DYNC2I1: variants seen among roughly 807,000 people sequenced by gnomAD.
The protein encoded by DYNC2I1 is cytoplasmic dynein 2 intermediate chain 1.
DYNC2I1 carries 89 observed loss-of-function variants against 133.4 expected under a neutral mutation model. The observed-to-expected ratio is 0.67, with a 90% CI of 0.56 to 0.80. The LOEUF is 0.80. DYNC2I1 is among the 30% of genes least tolerant of loss of function. The pLI is 0.00. For synonymous variants in DYNC2I1, 504 were observed against 484.3 expected (o/e 1.04, Z -0.54); for missense variants, 1,291 against 1,314.5 (o/e 0.98, Z 0.28).
At chr7:158,914,647 AT>A (rs1847826776) in intron 14 of DYNC2I1, among the ~76,000 whole-genome samples, 1 of 152,226 alleles carries the variant, frequency 6.6e-6, no homozygotes, top group Admixed American at 6.5e-5. Context: ...AATCTAGGGT[AT>A]TTGAAAATAT....
intron 3 of DYNC2I1, among the ~76,000 whole-genome samples, chr7:158,872,144 C>A (rs1842943987): frequency 6.6e-6 from 1 of 151,020 alleles, no homozygotes; most frequent in South Asian, 2.1e-4. Flanking sequence ...AGGGAGACTC[C>A]ATCACTACAA....
chr7:158,926,445 T>G lies in DYNC2I1; in HGVS notation c.2415T>G (p.Ser805Arg), dbSNP rs762299996. 4 of 1,613,280 alleles carry G rather than the reference T, an allele frequency of 2.5e-6. No homozygotes were observed. The highest frequency in any genetic ancestry group is 3.4e-6 in the Non-Finnish European group (4 of 1,179,604). The change falls in exon 19 of 25, where the codon AGT becomes AGG. Residue 805 changes from serine (S) to arginine (R), a missense_variant. By Grantham distance (110) the Ser-to-Arg change is moderately radical (BLOSUM62 -1). Coordinates refer to ENST00000407559, the MANE Select transcript of DYNC2I1 (RefSeq NM_018051.5). ...TCCACATCGCTTCCTTGGATGAGAG[T>G]GGGGTTCTCAATGTATGGGTGAGTA... ...LSFHIASLDESGVLNVWVVVE... is the reference protein window; with the variant it reads ...LSFHIASLDERGVLNVWVVVE...
chr7:158,945,375 G>A lies in DYNC2I1; in HGVS notation c.3003-206G>A, dbSNP rs1184014242. On this transcript the variant is annotated intron_variant, in intron 24 of 24. Coordinates refer to ENST00000407559, the MANE Select transcript of DYNC2I1 (RefSeq NM_018051.5). The surrounding 1 kb of genome is among the most constrained non-coding windows in gnomAD (Gnocchi z 4.1). ...GCACGTCCTCATCACTTACCTCTGC[G>A]AAGTTCCATCTGGCAGGCCTCTGAC... 1.3e-5 allele frequency among the ~76,000 whole-genome samples: 2 copies of A among 152,210 alleles called. No individual in the cohort carries two copies. Among genetic ancestry groups the A allele is most frequent in the African/African-American group, 2.4e-5 (1 of 41,448 alleles).
At chr7:158,873,448 G>A (rs146466590) in intron 3 of DYNC2I1, among the ~76,000 whole-genome samples, 98 of 152,222 alleles carry the variant, frequency 6.4e-4, no homozygotes, top group Admixed American at 3.5e-3. Flanking sequence ...CATTTGAGTC[G>A]TTTGAAGATT....
chr7:158,879,114 G>A (rs1172417431), intron 4 of DYNC2I1, among the ~76,000 whole-genome samples: 1 of 152,128 alleles, frequency 6.6e-6, no homozygotes, highest in Non-Finnish European at 1.5e-5. Context: ...TGGCTGGGCT[G>A]CAGAGTTACT....
chr7:158,856,115 T>C (rs1841211466), upstream of DYNC2I1, among the ~76,000 whole-genome samples: 1 of 151,634 alleles, frequency 6.6e-6, no homozygotes, highest in African/African-American at 2.4e-5. Flanking sequence ...CTATTTTTTT[T>C]TTTTGTATTT....
chr7:158,913,826 A>T (rs898119500), intron 13 of DYNC2I1, among the ~76,000 whole-genome samples: 1 of 152,120 alleles, frequency 6.6e-6, no homozygotes, highest in African/African-American at 2.4e-5. Flanking sequence ...CTCCTGCCTC[A>T]GCCTCCCGAG....
chr7:158,949,236 A>C (rs926093139), downstream of DYNC2I1, among the ~76,000 whole-genome samples: 1 of 152,264 alleles, frequency 6.6e-6, no homozygotes, highest in Non-Finnish European at 1.5e-5. Context: ...CTCTGAAGAT[A>C]CAGAGTCACA....
chr7:158,885,230 G>A (rs1413320010), intron 6 of DYNC2I1, among the ~76,000 whole-genome samples: 1 of 152,050 alleles, frequency 6.6e-6, no homozygotes, highest in Non-Finnish European at 1.5e-5. Flanking sequence ...GCCTTGGTTG[G>A]AATTTCCTGT....
chr7:158,911,510 T>C, intron 11 of DYNC2I1, 40 bp from the exon 12 acceptor site: 1 of 1,603,546 alleles, frequency 6.2e-7, no homozygotes, highest in Non-Finnish European at 8.5e-7. Flanking sequence ...ACGTATATTA[T>C]TCGAGTTAAT....
In DYNC2I1 at chr7:158,899,372, G is replaced by A. The variant is rs9654725; in HGVS notation, c.1060-2367G>A. Reference sequence around the variant, plus strand: ...CACACGGATAAATACCTAAGCATACGTAATTGAATACATTTTTGCTACTAT... The same window carrying A: ...CACACGGATAAATACCTAAGCATACATAATTGAATACATTTTTGCTACTAT... On this transcript the variant is annotated intron_variant, in intron 8 of 24. Transcript: ENST00000407559. 4.2e-3 allele frequency among the ~76,000 whole-genome samples: 640 copies of A among 152,190 alleles called. 11 individuals are homozygous for A. The highest frequency in any genetic ancestry group is 0.014 in the African/African-American group (582 of 41,518).
chr7:158,923,707 C>A lies in DYNC2I1; in HGVS notation c.2231C>A (p.Thr744Lys), dbSNP rs763842213. 1 of 1,612,088 alleles carries A rather than the reference C, an allele frequency of 6.2e-7. No homozygotes were observed. Among genetic ancestry groups the A allele is most frequent in the African/African-American group, 1.3e-5 (1 of 74,884 alleles). ...GTGACGCTGAGCGATGGCTTCTGGA[C>A]GTTCCGGACCGCCACGTTTTCCACC... ...YSVTLSDGFW[T>K]FRTATFSTDG... The change falls in exon 17 of 25, where the codon ACG becomes AAG. Residue 744 changes from threonine to lysine, a missense_variant. Coordinates refer to ENST00000407559, the MANE Select transcript of DYNC2I1 (RefSeq NM_018051.5).
intron 4 of DYNC2I1, among the ~76,000 whole-genome samples, chr7:158,952,791 A>G (rs2657342): frequency 0.49 from 68,530 of 140,328 alleles, 18,256 homozygotes; most frequent in Admixed American, 0.55. Context: ...GTCGTAAGAC[A>G]GAATCCGCAC....
chr7:158,858,065 A>G (rs2129475565), intron 1 of DYNC2I1, among the ~76,000 whole-genome samples: 1 of 152,234 alleles, frequency 6.6e-6, no homozygotes, highest in Non-Finnish European at 1.5e-5. Context: ...TGCTGGGATT[A>G]CAGGCGTGAG....
intron 3 of DYNC2I1, among the ~76,000 whole-genome samples, chr7:158,874,982 TC>T (rs1843221159): frequency 6.6e-6 from 1 of 152,088 alleles, no homozygotes; most frequent in Non-Finnish European, 1.5e-5. Context: ...TGCTTTCTCT[TC>T]CAGTCTCTTG....
intron 1 of DYNC2I1, among the ~76,000 whole-genome samples, chr7:158,861,647 A>G (rs1841878897): frequency 6.6e-6 from 1 of 152,214 alleles, no homozygotes; most frequent in Admixed American, 6.5e-5. Context: ...CAGCTCACAG[A>G]TAGGACTCTC....
intron 1 of DYNC2I1, among the ~76,000 whole-genome samples, chr7:158,858,781 A>C (rs948842606): frequency 6.8e-6 from 1 of 147,792 alleles, no homozygotes; most frequent in South Asian, 2.2e-4. Context: ...TGAAATCTCC[A>C]TGCTTTTTCC....
intron 11 of DYNC2I1, among the ~76,000 whole-genome samples, chr7:158,910,251 C>T (rs1171164916): frequency 1.3e-5 from 2 of 152,228 alleles, no homozygotes; most frequent in Admixed American, 6.5e-5. Context: ...CACGTGGGTG[C>T]GGCGTTTCGG....
At chr7:158,952,062 C>T (rs1480504179) in intron 4 of DYNC2I1, among the ~76,000 whole-genome samples, 1 of 152,188 alleles carries the variant, frequency 6.6e-6, no homozygotes, top group Non-Finnish European at 1.5e-5. Flanking sequence ...GGGCCCGAAG[C>T]CATGGTACGT....
Sources: gnomAD v4.1 joint callset for allele counts (sites outside exome capture counted in the v4.1 genomes callset) on GRCh38, gnomAD v4.1.1 for gene constraint, Gnocchi (gnomAD v3.1) non-coding constraint, MANE v1.5 for transcripts, NCBI Gene and HGNC (gene_info 2026-07-23, HGNC 2026-07-21) for gene names.